Variants in LRRK2 observed in about 807,000 individuals in gnomAD.
LRRK2 encodes the protein leucine-rich repeat serine/threonine-protein kinase 2.
A neutral mutation model predicts 302.6 loss-of-function variants in LRRK2; 203 were observed. That is an observed-to-expected ratio of 0.67 (90% CI 0.60 to 0.75). The LOEUF is 0.75. LRRK2 is among the 30% of genes least tolerant of loss of function. The pLI is 0.00. For missense variants in LRRK2, 2,830 were observed against 2,951.0 expected, an observed-to-expected ratio of 0.96 and a Z score of 0.95; for synonymous variants, 1,066 against 1,031.9, an observed-to-expected ratio of 1.03 and a Z score of -0.63.
chr12:40,290,519 T>G (rs914251954), intron 20 of LRRK2, among the ~76,000 whole-genome samples: 2 of 152,074 alleles, frequency 1.3e-5, no homozygotes, highest in Admixed American at 1.3e-4. Flanking sequence ...CCATCTAGGT[T>G]TTAAATTTTT....
chr12:40,334,926 C>G lies in LRRK2; in HGVS notation c.5758-41C>G, dbSNP rs78402108. 155 of 1,608,270 alleles carry G rather than the reference C, an allele frequency of 9.6e-5. No individual in the cohort carries two copies. In the East Asian group the frequency reaches 3.4e-3, roughly 35 times the overall value. On this transcript the variant is annotated intron_variant, in intron 39 of 50. Transcript: ENST00000298910. ...AAAGAAGGAGATACGTGGGTAAAACCTGATGTTGAATTACTCTTACATGAT... is the reference window on the plus strand; with the variant it reads ...AAAGAAGGAGATACGTGGGTAAAACGTGATGTTGAATTACTCTTACATGAT...
At chr12:40,356,007 A>G in intron 45 of LRRK2, 108 bp from the exon 46 acceptor site, 1 of 690,964 alleles carries the variant, frequency 1.4e-6, no homozygotes, top group East Asian at 2.7e-5. Context: ...TTAGGAATTT[A>G]TAGTTGAGAA....
At chr12:40,274,469 G>C in intron 14 of LRRK2, 114 bp from the exon 15 acceptor site, 1 of 1,077,946 alleles carries the variant, frequency 9.3e-7, no homozygotes, top group Non-Finnish European at 1.4e-6. Flanking sequence ...CAAAATCAAG[G>C]ATACTGATTT....
At chr12:40,280,032 T>C (rs765550468) in intron 18 of LRRK2, among the ~76,000 whole-genome samples, 11 of 152,170 alleles carry the variant, frequency 7.2e-5, no homozygotes, top group Non-Finnish European at 1.5e-4. Context: ...AATTTGATAA[T>C]GGAATGTACA....
In LRRK2 at chr12:40,251,331, G is replaced by A. The variant is rs747741340; in HGVS notation, c.1058G>A (p.Cys353Tyr). The A allele has an allele frequency of 1.1e-5, 18 of 1,613,878 alleles. No homozygotes were observed. The South Asian group carries it at 1.4e-4, about 13-fold the overall frequency. Reference protein sequence around the residue: ...EEDKLFWLEACYKALTWHRKN... With the variant: ...EEDKLFWLEAYYKALTWHRKN... ...GATAAATTGTTTTGGCTGGAAGCCT[G>A]TTACAAAGCATTAACGTGGCATAGA... Residue 353 changes from cysteine to tyrosine, a missense_variant, in exon 9 of 51, where the codon TGT becomes TAT. By Grantham distance (194) the Cys-to-Tyr change is radical (BLOSUM62 -2). Transcript: ENST00000298910.
At chr12:40,301,106 C>A in intron 25 of LRRK2, 2 of 456,526 alleles carry the variant, frequency 4.4e-6, no homozygotes, top group Middle Eastern at 6.5e-4. Context: ...TTTGAATGGA[C>A]CCCAGTTCAA....
intron 37 of LRRK2, 51 bp downstream of exon 37, chr12:40,322,561 A>T: frequency 1.3e-6 from 2 of 1,483,094 alleles, no homozygotes; most frequent in Non-Finnish European, 1.9e-6. Flanking sequence ...TTCAATACTT[A>T]TGAAGTGACT....
intron 39 of LRRK2, among the ~76,000 whole-genome samples, chr12:40,330,083 A>G (rs904533470): frequency 5.9e-5 from 9 of 152,170 alleles, no homozygotes; most frequent in African/African-American, 1.9e-4. Context: ...TGATTAATCT[A>G]TGAGTTAGTT....
At chr12:40,334,894 G>A in intron 39 of LRRK2, 73 bp from the exon 40 acceptor site, 2 of 1,492,436 alleles carry the variant, frequency 1.3e-6, no homozygotes, top group Non-Finnish European at 1.9e-6. Context: ...GCCTGTTGAT[G>A]CACTTTAAAG....
chr12:40,236,225 T>G (rs1167885141), intron 4 of LRRK2, among the ~76,000 whole-genome samples: 2 of 152,152 alleles, frequency 1.3e-5, no homozygotes, highest in African/African-American at 4.8e-5. Context: ...ACTTCTTGAG[T>G]ATTTGCTAGA....
chr12:40,288,473 G>A (rs943349771), intron 20 of LRRK2, among the ~76,000 whole-genome samples: 6 of 151,576 alleles, frequency 4.0e-5, no homozygotes, highest in Non-Finnish European at 5.9e-5. Flanking sequence ...GTAGATTAAT[G>A]TTTTCTCTAG....
intron 27 of LRRK2, chr12:40,304,388 GGTA>G (rs1944737094): frequency 5.4e-6 from 3 of 558,614 alleles, no homozygotes; most frequent in Non-Finnish European, 9.4e-6. Context: ...TTAAAAATAA[GGTA>G]GTAGCCTTAA....
At chr12:40,260,671 G>A (rs1238212861) in intron 13 of LRRK2, among the ~76,000 whole-genome samples, 1 of 152,122 alleles carries the variant, frequency 6.6e-6, no homozygotes, top group Non-Finnish European at 1.5e-5. Context: ...AAAGACAATA[G>A]CATTGTGGTG....
At chr12:40,284,227 G>A (rs1943824065) in intron 19 of LRRK2, 94 bp downstream of exon 19, 1 of 1,150,470 alleles carries the variant, frequency 8.7e-7, no homozygotes, top group African/African-American at 1.6e-5. Flanking sequence ...GCCAGTTTGA[G>A]GGACCTTAAG....
intron 8 of LRRK2, among the ~76,000 whole-genome samples, chr12:40,250,479 A>G (rs1242965208): frequency 6.6e-6 from 1 of 152,176 alleles, no homozygotes; most frequent in Non-Finnish European, 1.5e-5. Context: ...AACAAGAATG[A>G]AACTCCATCT....
At position 40,263,812 on chromosome 12, in the gene LRRK2, G is replaced by T; in HGVS notation, c.1567G>T (p.Asp523Tyr). The T allele has an allele frequency of 6.2e-7, 1 of 1,612,608 alleles. No homozygotes were observed. The highest frequency in any genetic ancestry group is 1.1e-5 in the South Asian group (1 of 90,946). The change falls in exon 14 of 51, where the codon GAT (aspartate) becomes TAT (tyrosine). Residue 523 changes from aspartate to tyrosine, a missense_variant. Asp to Tyr is a radical substitution (Grantham distance 160). Coordinates refer to ENST00000298910, the MANE Select transcript of LRRK2 (RefSeq NM_198578.4). Reference protein sequence around the residue: ...VPGMPEESREDTEFHHKLNMV... With the variant: ...VPGMPEESREYTEFHHKLNMV... ...AGGCATGCCAGAAGAATCCAGGGAG[G>T]ATACAGAATTTCATCATAAGCTAAA...
intron 23 of LRRK2, among the ~76,000 whole-genome samples, chr12:40,296,087 T>TA (rs1944375604): frequency 2.6e-5 from 4 of 152,046 alleles, no homozygotes; most frequent in Admixed American, 2.6e-4. Flanking sequence ...ATCTGTGAAA[T>TA]AGAGATTCAA....
intron 20 of LRRK2, among the ~76,000 whole-genome samples, chr12:40,290,085 T>C (rs953087383): frequency 6.6e-6 from 1 of 151,988 alleles, no homozygotes; most frequent in Non-Finnish European, 1.5e-5. Flanking sequence ...ATGCCCTTCA[T>C]CAAATTGAAG....
intron 19 of LRRK2, 97 bp from the exon 20 acceptor site, chr12:40,287,254 C>G (rs1943963061): frequency 9.6e-7 from 1 of 1,039,072 alleles, no homozygotes; most frequent in South Asian, 1.4e-5. Flanking sequence ...GAAATATTCT[C>G]CAGAAGCATA....
Sources: allele counts gnomAD v4.1 joint callset (sites outside exome capture counted in the v4.1 genomes callset), GRCh38; gene constraint gnomAD v4.1.1; transcripts MANE v1.5; gene names NCBI Gene and HGNC (gene_info 2026-07-23, HGNC 2026-07-21).